PLCH2: variants seen among roughly 807,000 people sequenced by gnomAD.
The protein encoded by PLCH2 is phospholipase C eta 2.
In PLCH2, 98 loss-of-function variants were observed where a neutral mutation model predicts 134.7. The observed-to-expected ratio is 0.73, with a 90% CI of 0.62 to 0.86. PLCH2 has a LOEUF of 0.86. PLCH2 is among the 40% of genes least tolerant of loss of function. PLCH2 has a pLI of 0.00. For missense variants in PLCH2, 1,994 were observed against 1,986.6 expected, an observed-to-expected ratio of 1.00 and a Z score of -0.07; for synonymous variants, 974 against 827.5, an observed-to-expected ratio of 1.18 and a Z score of -3.04.
chr1:2,479,495 G>A, intron 2 of PLCH2: 2 of 486,942 alleles, frequency 4.1e-6, no homozygotes, highest in Non-Finnish European at 7.4e-6. Context: ...TCCCTCGTGG[G>A]GGCGTGTCTT....
chr1:2,489,588 C>A (rs1642458774), intron 9 of PLCH2, among the ~76,000 whole-genome samples, 172 bp from the exon 10 acceptor site: 1 of 152,254 alleles, frequency 6.6e-6, no homozygotes, highest in Non-Finnish European at 1.5e-5. Flanking sequence ...TCCCTTCACG[C>A]TGCTGCAGCC....
chr1:2,475,376 T>C (rs146194335), upstream of PLCH2, among the ~76,000 whole-genome samples: 41 of 152,286 alleles, frequency 2.7e-4, no homozygotes, highest in East Asian at 7.7e-3. Context: ...CCCAGTGTGG[T>C]CACGAAGCAT....
intron 2 of PLCH2, among the ~76,000 whole-genome samples, chr1:2,450,719 C>CT (rs546107567): frequency 3.9e-5 from 2 of 51,148 alleles, no homozygotes; most frequent in African/African-American, 7.7e-5. Context: ...GCCTGCCCCC[C>CT]GCTCCCCGCC....
At chr1:2,427,458 C>G (rs1638853914) in intron 1 of PLCH2, among the ~76,000 whole-genome samples, 1 of 152,158 alleles carries the variant, frequency 6.6e-6, no homozygotes, top group Non-Finnish European at 1.5e-5. Flanking sequence ...AGTGGACTCT[C>G]TTGTGGGCTG....
chr1:2,425,587 G>C (rs938041636), upstream of PLCH2, among the ~76,000 whole-genome samples: 1 of 152,162 alleles, frequency 6.6e-6, no homozygotes, highest in African/African-American at 2.4e-5. Flanking sequence ...GATCTTGGCT[G>C]ACTGCAATTT....
chr1:2,452,034 C>G lies in PLCH2; in HGVS notation c.115+21405C>G, dbSNP rs79549405. Among the ~76,000 whole-genome samples the G allele has an allele frequency of 5.5e-4, 84 of 152,328 alleles. 1 individual carries two copies. In the East Asian group the frequency reaches 0.015, roughly 28 times the overall value. On this transcript the variant is annotated intron_variant, in intron 2 of 3. Transcript: ENST00000609981. ...TCGGAGGAGGCTGAGCAGAGACTTC[C>G]GTCTGGGCCCCGAGCTTTGGCAGTG... is the stretch of plus-strand genomic sequence containing the variant.
At chr1:2,436,089 C>T (rs1639333346) in intron 2 of PLCH2, among the ~76,000 whole-genome samples, 1 of 111,248 alleles carries the variant, frequency 9.0e-6, no homozygotes, top group Non-Finnish European at 1.9e-5. Flanking sequence ...CCTCCCTCTT[C>T]CCCTCCTCTC....
In PLCH2 at chr1:2,448,270, C is replaced by G. The variant is rs1640033814; in HGVS notation, c.115+17641C>G. ...GCCGCACGCTTATTCTCTCGCAGTC[C>G]TGGAGGCTGGAAGTCTGAGGTCAGG... is the stretch of plus-strand genomic sequence containing the variant. On this transcript the variant is annotated intron_variant, in intron 2 of 3. Coordinates refer to the PLCH2 transcript ENST00000609981. This position sits in a 1 kb window ranked among gnomAD's most constrained non-coding sequence, Gnocchi z 4.0. Among the ~76,000 whole-genome samples, 1 of 152,154 alleles carries G rather than the reference C, an allele frequency of 6.6e-6. No homozygotes were observed. Among genetic ancestry groups the G allele is most frequent in the Non-Finnish European group, 1.5e-5 (1 of 68,024 alleles).
intron 13 of PLCH2, among the ~76,000 whole-genome samples, 191 bp from the exon 14 acceptor site, chr1:2,496,416 C>T (rs1642886454): frequency 6.6e-6 from 1 of 152,198 alleles, no homozygotes; most frequent in Non-Finnish European, 1.5e-5. Flanking sequence ...CTGGTAGCTC[C>T]CAGCCAGCCC....
Position 2,496,737 on chromosome 1 carries a change from G to A in PLCH2, c.1933+33G>A, listed in dbSNP as rs1558026414. On this transcript the variant is annotated intron_variant, in intron 14 of 21. Transcript: ENST00000378486. ...GCTCGGGGACCTGGGGCCACGGGCG[G>A]AGGCCTCCCTGTCCCCCATCCCTGC... 3.1e-6 allele frequency: 5 copies of A among 1,609,618 alleles called. No homozygotes were observed. The East Asian group carries it at 6.7e-5, about 22-fold the overall frequency.
intron 2 of PLCH2, chr1:2,479,447 G>A (rs1247570544): frequency 2.5e-5 from 9 of 358,986 alleles, no homozygotes; most frequent in South Asian, 1.2e-4. Context: ...CGGGCCAGCC[G>A]GGCACTGGGG....
rs1414879957 is a variant in PLCH2, at chr1:2,489,630, A to G, written c.1408-130A>G. ...AGCTGGCCAGTCTGGCCCCTGCCCC[A>G]TGGCTGAGATGCCAAAACTGAGCTT... On this transcript the variant is annotated intron_variant, in intron 9 of 21. Coordinates refer to ENST00000378486, the MANE Select transcript of PLCH2 (RefSeq NM_014638.4). 7 of 791,792 alleles carry G rather than the reference A, an allele frequency of 8.8e-6. No homozygotes were observed. In the East Asian group the frequency reaches 1.0e-4, roughly 12 times the overall value. The allele number at this position is 791,792 out of a possible 1,614,324, so 49.0% of individuals were successfully genotyped here.
Position 2,498,336 on chromosome 1 carries a change from G to A in PLCH2, c.2225-187G>A. 2 of 611,490 alleles carry A rather than the reference G, an allele frequency of 3.3e-6. No homozygotes were observed. The highest frequency in any genetic ancestry group is 2.9e-6 in the Non-Finnish European group (1 of 350,130). 37.9% of individuals were successfully genotyped at this position (611,490 alleles called of 1,614,324 possible). Reference sequence around the variant, plus strand: ...TCCCACATGCTGCGGTAGCCACAAAGGTGATCCATACTGGGCCAGGTGCAC... The same window carrying A: ...TCCCACATGCTGCGGTAGCCACAAAAGTGATCCATACTGGGCCAGGTGCAC... On this transcript the variant is annotated intron_variant, in intron 16 of 21. Transcript: ENST00000378486. The surrounding 1 kb of genome is among the most constrained non-coding windows in gnomAD (Gnocchi z 5.4).
Position 2,480,289 on chromosome 1 carries a change from C to T in PLCH2, c.622C>T (p.Gln208Ter), listed in dbSNP as rs1291671282. 13 of 1,612,470 alleles carry T rather than the reference C, an allele frequency of 8.1e-6. No homozygotes were observed. The highest frequency in any genetic ancestry group is 1.3e-5 in the African/African-American group (1 of 74,938). Residue 208 changes from glutamine to a stop codon, truncating the protein, a stop_gained, in exon 4 of 22, where the codon CAG (glutamine) becomes TAG (stop). Coordinates refer to ENST00000378486, the MANE Select transcript of PLCH2 (RefSeq NM_014638.4). LOFTEE classifies it high-confidence loss of function. ...LHKLNVNLPR[Q>*]RVKQMFREAD... ...CAAGCTCAACGTGAACCTGCCCCGG[C>T]AGAGGGTGAAGCAGATGTTCAGGGT...
chr1:2,478,049 G>C (rs1012148675), intron 1 of PLCH2, among the ~76,000 whole-genome samples: 6 of 152,240 alleles, frequency 3.9e-5, no homozygotes, highest in Non-Finnish European at 7.3e-5. Context: ...CCTCGTGCCC[G>C]GCCTTCCCAT....
chr1:2,445,224 T>A (rs1639885758), intron 2 of PLCH2, among the ~76,000 whole-genome samples: 2 of 152,028 alleles, frequency 1.3e-5, no homozygotes, highest in African/African-American at 2.4e-5. Flanking sequence ...CCTGTGGCTG[T>A]GCTGAGGGTC....
In PLCH2 at chr1:2,487,258, G is replaced by C. The variant is rs374903225; in HGVS notation, c.996G>C (p.Leu332=). 1.1e-5 allele frequency: 18 copies of C among 1,613,042 alleles called. No homozygotes were observed. In the African/African-American group the frequency reaches 2.3e-4, roughly 20 times the overall value. ...TGCACCAGGACATGACGCAGCCGCTGAGCCACTACTTCATCACCTCGTCCC... is the reference window on the plus strand; with the variant it reads ...TGCACCAGGACATGACGCAGCCGCTCAGCCACTACTTCATCACCTCGTCCC... ...HHVHQDMTQP[L]SHYFITSSHN... Residue 332 remains leucine (L), a synonymous_variant, in exon 7 of 22, where the codon CTG becomes CTC. Transcript: ENST00000378486.
rs553397279 is a variant in PLCH2, at chr1:2,448,926, G to C, written c.115+18297G>C. 6.6e-6 allele frequency among the ~76,000 whole-genome samples: 1 copy of C among 152,196 alleles called. No individual in the cohort carries two copies. Among genetic ancestry groups the C allele is most frequent in the Non-Finnish European group, 1.5e-5 (1 of 68,032 alleles). On this transcript the variant is annotated intron_variant, in intron 2 of 3. Transcript: ENST00000609981. This position sits in a 1 kb window ranked among gnomAD's most constrained non-coding sequence, Gnocchi z 4.0. ...GGCACCTGGGGCCTCCAGAATGCTC[G>C]TTTCGTCAAACTGTTGTACGTGGCT... is the stretch of plus-strand genomic sequence containing the variant.
At chr1:2,449,602 G>A (rs1441709274) in intron 2 of PLCH2, among the ~76,000 whole-genome samples, 1 of 152,242 alleles carries the variant, frequency 6.6e-6, no homozygotes, top group East Asian at 1.9e-4. Flanking sequence ...GACCAGGTCT[G>A]CAGCAGCCTC....
Sources: allele counts gnomAD v4.1 joint callset (sites outside exome capture counted in the v4.1 genomes callset), GRCh38; gene constraint gnomAD v4.1.1; non-coding constraint Gnocchi (gnomAD v3.1); transcripts MANE v1.5; gene names NCBI Gene and HGNC (gene_info 2026-07-23, HGNC 2026-07-21).